HDHD5: variants seen among roughly 807,000 people sequenced by gnomAD.
HDHD5 encodes haloacid dehalogenase-like hydrolase domain-containing 5.
A neutral mutation model predicts 35.5 loss-of-function variants in HDHD5; 34 were observed. The observed-to-expected ratio is 0.96, with a 90% CI of 0.73 to 1.28. The LOEUF (loss-of-function observed/expected upper bound fraction) is 1.28. Ranked by LOEUF, HDHD5 falls within the 50% of genes most tolerant of loss-of-function variation. The pLI, the probability that HDHD5 is intolerant of heterozygous loss-of-function variation, is 0.00. For missense variants in HDHD5, 589 were observed against 560.2 expected (o/e 1.05, Z -0.52); for synonymous variants, 248 against 240.6 (o/e 1.03, Z -0.29).
At chr22:17,149,957 C>T (rs1226072204) in intron 1 of HDHD5, among the ~76,000 whole-genome samples, 2 of 152,136 alleles carry the variant, frequency 1.3e-5, no homozygotes, top group Admixed American at 1.3e-4. Flanking sequence ...TATTTTTAAT[C>T]ATTCGCTTTT....
intron 1 of HDHD5, among the ~76,000 whole-genome samples, chr22:17,158,142 G>A (rs767779656): frequency 3.3e-5 from 5 of 152,156 alleles, no homozygotes; most frequent in Non-Finnish European, 5.9e-5. Flanking sequence ...CCAACATGGT[G>A]AAACCCTGTC....
At chr22:17,164,355 T>G (rs907056533) in intron 1 of HDHD5, among the ~76,000 whole-genome samples, 1 of 152,212 alleles carries the variant, frequency 6.6e-6, no homozygotes, top group African/African-American at 2.4e-5. Flanking sequence ...TTTCTATTAG[T>G]TAGGATTAGG....
chr22:17,157,971 C>T (rs1186169302), intron 1 of HDHD5, among the ~76,000 whole-genome samples: 1 of 152,132 alleles, frequency 6.6e-6, no homozygotes, highest in Non-Finnish European at 1.5e-5. Flanking sequence ...ATACGAATAA[C>T]TGTGAAGTAC....
chr22:17,159,253 C>G lies in HDHD5; in HGVS notation c.-2G>C. On this transcript the variant is annotated 5_prime_UTR_variant, in exon 1 of 8. Transcript: ENST00000336737. Reference sequence around the variant, plus strand: ...AGCCACACAGCCCCACGCAGCCATCCGGCCGTCGCCGTGCGCACGTGCACG... The same window carrying G: ...AGCCACACAGCCCCACGCAGCCATCGGGCCGTCGCCGTGCGCACGTGCACG... 1.6e-6 allele frequency: 2 copies of G among 1,261,364 alleles called. No homozygotes were observed. The highest frequency in any genetic ancestry group is 2.0e-6 in the Non-Finnish European group (2 of 1,002,722). The allele number at this position is 1,261,364 out of a possible 1,614,324, so 78.1% of individuals were successfully genotyped here.
Position 17,138,183 on chromosome 22 carries a change from G to T in HDHD5, c.1110C>A (p.Asn370Lys). 2 of 1,614,212 alleles carry T rather than the reference G, an allele frequency of 1.2e-6. No homozygotes were observed. Among genetic ancestry groups the T allele is most frequent in the Non-Finnish European group, 1.7e-6 (2 of 1,180,040 alleles). Residue 370 changes from asparagine (N) to lysine (K), a missense_variant, in exon 8 of 8, where the codon AAC becomes AAA. Coordinates refer to ENST00000336737, the MANE Select transcript of HDHD5 (RefSeq NM_033070.3). ...LVCTGVYNPR[N>K]PQSTEPVLGG... ...CAAGGACAGGCTCCGTGGACTGTGG[G>T]TTCCTGGGATTGTAGACGCCTGTAC...
chr22:17,144,875 G>C, intron 4 of HDHD5, 149 bp downstream of exon 4: 2 of 947,776 alleles, frequency 2.1e-6, no homozygotes, highest in East Asian at 5.3e-5. Context: ...ATAAATTCAG[G>C]GAACAAAACC....
intron 3 of HDHD5, 184 bp from the exon 4 acceptor site, chr22:17,145,301 AG>A (rs1262691651): frequency 1.8e-6 from 1 of 546,122 alleles, no homozygotes; most frequent in African/African-American, 2.1e-5. Flanking sequence ...GTAACTGCAC[AG>A]GTAGAGTAGA....
chr22:17,164,690 T>C (rs550739263), intron 1 of HDHD5, among the ~76,000 whole-genome samples: 7 of 152,176 alleles, frequency 4.6e-5, no homozygotes, highest in South Asian at 2.1e-4. Flanking sequence ...TTACACCTCA[T>C]TGGCCAAAAC....
intron 1 of HDHD5, 66 bp downstream of exon 1, chr22:17,159,060 G>A (rs1291619226): frequency 8.4e-7 from 1 of 1,185,248 alleles, no homozygotes; most frequent in African/African-American, 1.6e-5. Flanking sequence ...CTCCTTCCCC[G>A]CGGCTCCCCG....
At chr22:17,159,519 G>A (rs1444179089), upstream of HDHD5, 2 of 467,690 alleles carry the variant, frequency 4.3e-6, no homozygotes, top group Non-Finnish European at 8.4e-6. Flanking sequence ...GGGCGGCGGC[G>A]TCCGTACTAT....
intron 3 of HDHD5, among the ~76,000 whole-genome samples, chr22:17,145,517 A>T (rs996274444): frequency 6.6e-6 from 1 of 152,148 alleles, no homozygotes; most frequent in African/African-American, 2.4e-5. Flanking sequence ...AGCATGGGCA[A>T]CATAGTGAGA....
At chr22:17,160,661 AAT>A (rs201955660), upstream of HDHD5, among the ~76,000 whole-genome samples, 6,457 of 142,470 alleles carry the variant, frequency 0.045, 429 homozygotes, top group African/African-American at 0.15. Context: ...AAAAAAAAAA[AAT>A]AATAATAATA....
At chr22:17,162,750 G>A (rs1382116324), upstream of HDHD5, among the ~76,000 whole-genome samples, 2 of 152,214 alleles carry the variant, frequency 1.3e-5, no homozygotes, top group South Asian at 4.1e-4. Flanking sequence ...GGCTTGCCAT[G>A]TTAAAGAGTT....
At chr22:17,159,288 C>CA, upstream of HDHD5, 1 of 883,758 alleles carries the variant, frequency 1.1e-6, no homozygotes, top group Non-Finnish European at 1.4e-6. Context: ...GGCGTGCGGC[C>CA]CCCCCCCCCC....
chr22:17,140,948 T>C, intron 6 of HDHD5, 111 bp downstream of exon 6: 2 of 982,956 alleles, frequency 2.0e-6, no homozygotes, highest in Non-Finnish European at 2.9e-6. Flanking sequence ...CCTACCTAAG[T>C]GAGGTCCCGG....
intron 4 of HDHD5, 134 bp downstream of exon 4, chr22:17,144,890 G>C: frequency 2.8e-6 from 3 of 1,087,716 alleles, no homozygotes; most frequent in Admixed American, 4.2e-5. Flanking sequence ...AAAACCCTTA[G>C]CCAGATGTGC....
intron 4 of HDHD5, among the ~76,000 whole-genome samples, chr22:17,144,253 C>A (rs1404768097): frequency 6.6e-6 from 1 of 151,636 alleles, no homozygotes; most frequent in African/African-American, 2.4e-5. Context: ...CTTCTCTGGG[C>A]TTTTTCCTTT....
chr22:17,137,887 CCA>C lies in HDHD5; in HGVS notation c.*132_*133del. ...GTCTTCTTCCAAGTGACCAGTAATGCCACACTCATGGGGCAGCAAGAAGGGTG... is the reference window on the plus strand; with the variant it reads ...GTCTTCTTCCAAGTGACCAGTAATGCCACTCATGGGGCAGCAAGAAGGGTG... On this transcript the variant is annotated 3_prime_UTR_variant, in exon 8 of 8. Transcript: ENST00000336737. 3 of 667,882 alleles carry C rather than the reference CCA, an allele frequency of 4.5e-6. No homozygotes were observed. The East Asian group carries it at 8.2e-5, about 18-fold the overall frequency. The allele number at this position is 667,882 out of a possible 1,614,324, so 41.4% of individuals were successfully genotyped here.
chr22:17,160,664 AATAAT>A (rs2061857394), upstream of HDHD5, among the ~76,000 whole-genome samples: 2 of 131,328 alleles, frequency 1.5e-5, no homozygotes, highest in African/African-American at 3.6e-5. Context: ...AAAAAAAAAT[AATAAT>A]AATAATAATA....
Sources: allele counts gnomAD v4.1 joint callset (sites outside exome capture counted in the v4.1 genomes callset), GRCh38; gene constraint gnomAD v4.1.1; transcripts MANE v1.5; gene names NCBI Gene and HGNC (gene_info 2026-07-23, HGNC 2026-07-21).